Variants in PDILT observed in about 807,000 individuals in gnomAD.
PDILT encodes the protein protein disulfide-isomerase-like protein of the testis.
A neutral mutation model predicts 53.7 loss-of-function variants in PDILT; 43 were observed. That is an observed-to-expected ratio of 0.80 (90% confidence interval 0.63 to 1.03). The LOEUF (loss-of-function observed/expected upper bound fraction) is 1.03, where lower values mean the gene tolerates loss of function less well. Ranked by LOEUF, PDILT falls within the 50% of genes least tolerant of loss-of-function variation. PDILT has a pLI of 0.00. For missense variants in PDILT, 727 were observed against 712.3 expected (o/e 1.02, Z -0.24); for synonymous variants, 282 against 274.2 (o/e 1.03, Z -0.28).
At chr16:20,385,952 C>T (rs1966530854) in intron 2 of PDILT, 1 of 152,158 alleles carries the variant, frequency 6.6e-6, no homozygotes, top group Non-Finnish European at 1.5e-5. Flanking sequence ...CGTCCTGGAG[C>T]TAACAGGCCA....
chr16:20,391,446 G>T (rs1489725957), intron 2 of PDILT, among the ~76,000 whole-genome samples: 2 of 152,112 alleles, frequency 1.3e-5, no homozygotes, highest in African/African-American at 4.8e-5. Context: ...TCCTAGGACA[G>T]AATCTTGTCA....
At chr16:20,362,682 C>T in intron 9 of PDILT, 100 bp from the exon 10 acceptor site, 2 of 1,149,334 alleles carry the variant, frequency 1.7e-6, no homozygotes, top group Non-Finnish European at 2.5e-6. Flanking sequence ...TGTGGTCCTG[C>T]TGTTTTGCCA....
chr16:20,378,076 C>T (rs906003226), intron 3 of PDILT, among the ~76,000 whole-genome samples: 2 of 152,196 alleles, frequency 1.3e-5, no homozygotes, highest in African/African-American at 4.8e-5. Context: ...GGACAAATTG[C>T]TACCTGAGGC....
At chr16:20,371,310 G>A (rs1966303229) in intron 7 of PDILT, among the ~76,000 whole-genome samples, 1 of 152,162 alleles carries the variant, frequency 6.6e-6, no homozygotes, top group South Asian at 2.1e-4. Context: ...GGTCATTCTG[G>A]TTGCAGAGAA....
chr16:20,375,135 C>T (rs1016567528), intron 4 of PDILT, among the ~76,000 whole-genome samples, 176 bp from the exon 5 acceptor site: 5 of 152,144 alleles, frequency 3.3e-5, no homozygotes, highest in Admixed American at 6.6e-5. Flanking sequence ...GCTTCTCTGG[C>T]TATGAATAAA....
chr16:20,363,332 A>G (rs1966135327), intron 9 of PDILT, among the ~76,000 whole-genome samples: 1 of 152,176 alleles, frequency 6.6e-6, no homozygotes, highest in Admixed American at 6.5e-5. Context: ...CACTGTGCCC[A>G]GCTTGCTTTT....
chr16:20,402,338 G>A lies in PDILT; in HGVS notation c.-8+2158C>T, dbSNP rs150532967. 8.2e-3 allele frequency among the ~76,000 whole-genome samples: 1,157 copies of A among 140,500 alleles called. 26 individuals are homozygous for A. The highest frequency in any genetic ancestry group is 0.04 in the Admixed American group (556 of 13,912). The allele number at this position is 140,500 out of a possible 152,430, so 92.2% of individuals were successfully genotyped here. On this transcript the variant is annotated intron_variant, in intron 1 of 11. Coordinates refer to ENST00000302451, the MANE Select transcript of PDILT (RefSeq NM_174924.2). ...TTTTGAGACAGGGTCTCGCTCTGTC[G>A]CCCAGGCTGCAATGCAGTGGCGCGA...
chr16:20,401,312 A>G (rs1039191904), intron 1 of PDILT, among the ~76,000 whole-genome samples: 2 of 152,182 alleles, frequency 1.3e-5, no homozygotes, highest in Admixed American at 6.5e-5. Context: ...CTTAGAAATA[A>G]TTTACTTCCT....
At chr16:20,402,941 G>A (rs1456409648) in intron 1 of PDILT, among the ~76,000 whole-genome samples, 1 of 152,100 alleles carries the variant, frequency 6.6e-6, no homozygotes, top group Non-Finnish European at 1.5e-5. Context: ...CACCACTGTG[G>A]CTCCGCTGTG....
At chr16:20,398,986 A>C (rs1033893899) in intron 2 of PDILT, 113 bp downstream of exon 2, 3 of 1,110,508 alleles carry the variant, frequency 2.7e-6, no homozygotes, top group Non-Finnish European at 2.6e-6. Context: ...GTCTGTTTTA[A>C]ATAATATGTG....
intron 1 of PDILT, among the ~76,000 whole-genome samples, chr16:20,403,955 C>T (rs1436735881): frequency 6.6e-6 from 1 of 152,148 alleles, no homozygotes; most frequent in Non-Finnish European, 1.5e-5. Context: ...TCTTCCCGGG[C>T]CACTCTGTCT....
chr16:20,386,573 C>T (rs577774274), intron 2 of PDILT, among the ~76,000 whole-genome samples: 1 of 152,300 alleles, frequency 6.6e-6, no homozygotes, highest in African/African-American at 2.4e-5. Flanking sequence ...CACGCCTGCT[C>T]CTGCAATGGG....
chr16:20,362,652 T>A lies in PDILT; in HGVS notation c.1238-70A>T, dbSNP rs1191531484. On this transcript the variant is annotated intron_variant, in intron 9 of 11. Transcript: ENST00000302451. ...CAGAAAGCTGGCGCCACCCTACACATGGCATCGCTGTGTTCCACTTGTGGT... is the reference window on the plus strand; with the variant it reads ...CAGAAAGCTGGCGCCACCCTACACAAGGCATCGCTGTGTTCCACTTGTGGT... The A allele has an allele frequency of 2.7e-6, 4 of 1,459,200 alleles. No homozygotes were observed. The African/African-American group carries it at 5.6e-5, about 20-fold the overall frequency. 90.4% of individuals were successfully genotyped at this position (1,459,200 alleles called of 1,614,324 possible).
intron 2 of PDILT, among the ~76,000 whole-genome samples, chr16:20,390,077 C>A (rs540105161): frequency 6.6e-6 from 1 of 152,246 alleles, no homozygotes; most frequent in Non-Finnish European, 1.5e-5. Context: ...TTAGATCCAA[C>A]TTCTGATCAA....
At chr16:20,384,957 C>T in intron 2 of PDILT, 106 bp from the exon 3 acceptor site, 3 of 1,092,426 alleles carry the variant, frequency 2.7e-6, no homozygotes, top group South Asian at 1.3e-5. Context: ...TTCTTGTGCT[C>T]AGCGGTTAAT....
intron 2 of PDILT, 58 bp from the exon 3 acceptor site, chr16:20,384,909 G>T: frequency 6.5e-7 from 1 of 1,530,024 alleles, no homozygotes; most frequent in Non-Finnish European, 9.1e-7. Context: ...ATCTCCAACA[G>T]TAGATTATTT....
At chr16:20,375,942 A>C in intron 4 of PDILT, 126 bp downstream of exon 4, 3 of 1,239,914 alleles carry the variant, frequency 2.4e-6, no homozygotes, top group Non-Finnish European at 3.4e-6. Context: ...AGCTTCCCCT[A>C]AAAACCAGAT....
intron 1 of PDILT, among the ~76,000 whole-genome samples, chr16:20,401,381 T>C (rs1277427517): frequency 1.3e-5 from 2 of 152,214 alleles, no homozygotes; most frequent in African/African-American, 4.8e-5. Flanking sequence ...AAGAATTCTT[T>C]GCCCAGCTGG....
intron 2 of PDILT, among the ~76,000 whole-genome samples, chr16:20,397,161 G>C (rs1426311282): frequency 6.6e-6 from 1 of 152,018 alleles, no homozygotes; most frequent in Non-Finnish European, 1.5e-5. Context: ...TTTGAGACAG[G>C]TTCTCGCTCT....
Sources: allele counts gnomAD v4.1 joint callset (sites outside exome capture counted in the v4.1 genomes callset), GRCh38; gene constraint gnomAD v4.1.1; transcripts MANE v1.5; gene names NCBI Gene and HGNC (gene_info 2026-07-23, HGNC 2026-07-21).